The following NRP2 variants were observed in gnomAD, a reference collection of about 807,000 sequenced individuals.
NRP2 encodes neuropilin-2.
NRP2 carries 52 observed loss-of-function variants against 110.4 expected under a neutral mutation model. That is an observed-to-expected ratio of 0.47 (90% CI 0.38 to 0.59). The LOEUF (loss-of-function observed/expected upper bound fraction) is 0.59. Among genes scored for constraint, NRP2 ranks in the 20% least tolerant of loss-of-function variants. NRP2 has a pLI of 0.00. For synonymous variants in NRP2, 508 were observed against 468.9 expected, an observed-to-expected ratio of 1.08 and a Z score of -1.08; for missense variants, 1,049 against 1,203.0, an observed-to-expected ratio of 0.87 and a Z score of 1.89.
chr2:205,780,907 T>C (rs907699110), intron 15 of NRP2, among the ~76,000 whole-genome samples: 4 of 152,146 alleles, frequency 2.6e-5, no homozygotes, highest in African/African-American at 9.7e-5. Context: ...AGAATGTCAG[T>C]GATCAGAGCA....
At chr2:205,784,151 T>C (rs750040709) in intron 15 of NRP2, among the ~76,000 whole-genome samples, 1 of 152,152 alleles carries the variant, frequency 6.6e-6, no homozygotes, top group Non-Finnish European at 1.5e-5. Context: ...CTTTCAGCAA[T>C]ACCAGTTTCT....
At chr2:205,780,464 C>T (rs928403704) in intron 15 of NRP2, among the ~76,000 whole-genome samples, 7 of 152,236 alleles carry the variant, frequency 4.6e-5, no homozygotes, top group African/African-American at 1.7e-4. Flanking sequence ...ATATTTCTAT[C>T]AGAAGGGAAC....
intron 2 of NRP2, among the ~76,000 whole-genome samples, chr2:205,708,230 G>A (rs1205684377): frequency 6.6e-6 from 1 of 152,212 alleles, no homozygotes; most frequent in Non-Finnish European, 1.5e-5. Context: ...CATGCTGAAA[G>A]CAGCCTGCCC....
intron 15 of NRP2, chr2:205,776,095 C>T: frequency 1.2e-6 from 1 of 811,156 alleles, no homozygotes. Flanking sequence ...AAGTGCTTGG[C>T]AGGTGCTAAG....
intron 16 of NRP2, among the ~76,000 whole-genome samples, chr2:205,794,141 C>T (rs1339372531): frequency 1.3e-5 from 2 of 152,106 alleles, no homozygotes; most frequent in Non-Finnish European, 1.5e-5. Context: ...GACGGAGTCT[C>T]GCTCTGTCAC....
At chr2:205,793,866 G>A (rs145286362) in intron 16 of NRP2, among the ~76,000 whole-genome samples, 7 of 152,188 alleles carry the variant, frequency 4.6e-5, no homozygotes, top group African/African-American at 1.7e-4. Flanking sequence ...AATAAGGCAC[G>A]ATGCCTTATT....
At chr2:205,755,941 G>C (rs558752734) in intron 12 of NRP2, among the ~76,000 whole-genome samples, 1 of 152,216 alleles carries the variant, frequency 6.6e-6, no homozygotes, top group African/African-American at 2.4e-5. Flanking sequence ...TACCCAACAC[G>C]GGCCCTATGT....
intron 3 of NRP2, among the ~76,000 whole-genome samples, chr2:205,719,455 C>A (rs1488720292): frequency 1.3e-5 from 2 of 150,276 alleles, no homozygotes; most frequent in African/African-American, 4.9e-5. Context: ...AATCAAGATA[C>A]CATGAGCAGA....
chr2:205,710,684 T>C (rs1375610226), intron 2 of NRP2, among the ~76,000 whole-genome samples: 1 of 152,184 alleles, frequency 6.6e-6, no homozygotes, highest in Non-Finnish European at 1.5e-5. Context: ...CCTTGCAGCC[T>C]TTTTAGACAT....
intron 7 of NRP2, 79 bp from the exon 8 acceptor site, chr2:205,740,440 C>T: frequency 8.0e-6 from 12 of 1,491,488 alleles, no homozygotes; most frequent in South Asian, 1.1e-5. Flanking sequence ...AGAACTTTCC[C>T]ATCCCCTTCA....
chr2:205,744,719 C>T (rs1389442870), intron 9 of NRP2, among the ~76,000 whole-genome samples: 3 of 152,188 alleles, frequency 2.0e-5, no homozygotes, highest in Non-Finnish European at 4.4e-5. Context: ...AAGCAAATGT[C>T]TCCATTCTGA....
intron 6 of NRP2, 44 bp from the exon 7 acceptor site, chr2:205,727,847 G>A (rs1400676246): frequency 6.3e-7 from 1 of 1,585,892 alleles, no homozygotes; most frequent in South Asian, 1.2e-5. Flanking sequence ...ACACTGCCCT[G>A]TGTTGGGAAT....
At chr2:205,732,083 T>G (rs7605142) in intron 7 of NRP2, among the ~76,000 whole-genome samples, 3,142 of 152,252 alleles carry the variant, frequency 0.021, 82 homozygotes, top group African/African-American at 0.062. Flanking sequence ...TTGAGGGAAA[T>G]TGGCTTCCTA....
intron 1 of NRP2, among the ~76,000 whole-genome samples, chr2:205,692,478 C>T (rs992856360): frequency 3.9e-5 from 6 of 152,198 alleles, no homozygotes; most frequent in East Asian, 1.9e-4. Context: ...CCTGAGCCAA[C>T]GACTTAGATG....
intron 11 of NRP2, 28 bp downstream of exon 11, chr2:205,749,869 T>C (rs201250300): frequency 1.3e-6 from 2 of 1,558,148 alleles, no homozygotes; most frequent in South Asian, 1.1e-5. Flanking sequence ...CCAGATGGCA[T>C]GGGTGCGGAC....
chr2:205,759,580 CAA>C (rs993243550), intron 12 of NRP2: 1 of 152,202 alleles, frequency 6.6e-6, no homozygotes, highest in African/African-American at 2.4e-5. Flanking sequence ...TGAAGCAACA[CAA>C]AAGACCTGTG....
intron 15 of NRP2, among the ~76,000 whole-genome samples, chr2:205,774,828 G>A (rs962974350): frequency 2.6e-5 from 4 of 152,172 alleles, no homozygotes; most frequent in African/African-American, 9.7e-5. Flanking sequence ...GATTCACCAA[G>A]CATTTATTGA....
chr2:205,759,228 C>T (rs2057783200), intron 12 of NRP2, among the ~76,000 whole-genome samples: 1 of 152,208 alleles, frequency 6.6e-6, no homozygotes, highest in Non-Finnish European at 1.5e-5. Context: ...GAAGCAAAGA[C>T]TACGAGTCTT....
At chr2:205,715,006 T>C (rs1205033371) in intron 2 of NRP2, among the ~76,000 whole-genome samples, 2 of 151,984 alleles carry the variant, frequency 1.3e-5, no homozygotes, top group African/African-American at 2.4e-5. Context: ...AAGGAAGAGA[T>C]TTCTTAAGTG....
Sources: allele counts gnomAD v4.1 joint callset (sites outside exome capture counted in the v4.1 genomes callset), GRCh38; gene constraint gnomAD v4.1.1; transcripts MANE v1.5; gene names NCBI Gene and HGNC (gene_info 2026-07-23, HGNC 2026-07-21).